Variants in SLK observed in about 807,000 individuals in gnomAD.
The protein encoded by SLK is STE20 like kinase.
Under a neutral mutation model 147.7 loss-of-function variants are expected in SLK, and 67 were observed. The ratio of observed to expected loss-of-function variants is 0.45; its 90% CI spans 0.37 to 0.56. The LOEUF (loss-of-function observed/expected upper bound fraction) is 0.56. Among genes scored for constraint, SLK ranks in the 20% least tolerant of loss-of-function variants. SLK has a pLI of 0.00. For synonymous variants in SLK, 441 were observed against 475.0 expected (o/e 0.93, Z 0.93); for missense variants, 1,136 against 1,438.8 (o/e 0.79, Z 3.41).
intron 1 of SLK, among the ~76,000 whole-genome samples, chr10:103,977,653 A>AT (rs1293130261): frequency 4.6e-5 from 7 of 151,930 alleles, no homozygotes; most frequent in Non-Finnish European, 8.8e-5. Context: ...AAATTTTAAT[A>AT]TTTTTTCATA....
chr10:104,008,513 C>A (rs1965595), intron 12 of SLK, among the ~76,000 whole-genome samples, 157 bp downstream of exon 12: 148,673 of 152,284 alleles, frequency 0.98, 72,667 homozygotes, highest in Middle Eastern at 1. Context: ...ATAGAGTTGT[C>A]ATAAGGTCAA....
intron 3 of SLK, 116 bp from the exon 4 acceptor site, chr10:103,992,868 A>G: frequency 1.4e-6 from 1 of 696,650 alleles, no homozygotes; most frequent in Middle Eastern, 4.3e-4. Context: ...TTCTTTTAAA[A>G]TAAATTCCCT....
chr10:104,010,870 C>T lies in SLK; in HGVS notation c.2839C>T (p.Arg947Cys), dbSNP rs373815490. ...PKELRKELMKRRKEELAQSQH... is the reference protein window; with the variant it reads ...PKELRKELMKCRKEELAQSQH... The stretch of plus-strand genomic sequence containing the variant: ...AGAGCTGAGAAAAGAGCTCATGAAA[C>T]GCAGGAAAGAGGAGCTTGCACAAAG... The change falls in exon 13 of 19, where the codon CGC becomes TGC. Residue 947 changes from arginine (R) to cysteine (C), a missense_variant. This residue lies in a region of SLK where 327 missense variants were observed against 457.5 expected (regional missense o/e 0.71). Coordinates refer to ENST00000369755, the MANE Select transcript of SLK (RefSeq NM_014720.4). 3.1e-5 allele frequency: 49 copies of T among 1,598,418 alleles called. No homozygotes were observed. The highest frequency in any genetic ancestry group is 1.7e-4 in the Middle Eastern group (1 of 5,992).
At position 104,018,899 on chromosome 10, in the gene SLK, C is replaced by T. The variant is rs1439742612; in HGVS notation, c.3123C>T (p.Arg1041=). 6.3e-7 allele frequency: 1 copy of T among 1,585,482 alleles called. No individual in the cohort carries two copies. Among genetic ancestry groups the T allele is most frequent in the South Asian group, 1.2e-5 (1 of 85,340 alleles). The change falls in exon 15 of 19, where the codon CGC becomes CGT. Residue 1041 remains arginine (R), a synonymous_variant. Transcript: ENST00000369755. ...TGCAAAGACATCAGCTACTTAAGCGCCACGAGAAGGTTAATGAAAGGAAAA... is the reference window on the plus strand; with the variant it reads ...TGCAAAGACATCAGCTACTTAAGCGTCACGAGAAGGTTAATGAAAGGAAAA... ...YFMQRHQLLK[R]HEKETEQMQR...
chr10:104,010,009 A>G (rs1318136843), intron 12 of SLK, among the ~76,000 whole-genome samples: 1 of 152,156 alleles, frequency 6.6e-6, no homozygotes, highest in Non-Finnish European at 1.5e-5. Flanking sequence ...TGGATTACAG[A>G]TCTATTGTTA....
intron 16 of SLK, 53 bp downstream of exon 16, chr10:104,019,975 C>T: frequency 7.3e-7 from 1 of 1,372,912 alleles, no homozygotes; most frequent in Non-Finnish European, 1.0e-6. Context: ...TTTGAATGAC[C>T]ATTAGAAGTT....
At chr10:104,013,798 A>G (rs1184530125) in intron 13 of SLK, among the ~76,000 whole-genome samples, 1 of 152,196 alleles carries the variant, frequency 6.6e-6, no homozygotes, top group Non-Finnish European at 1.5e-5. Context: ...GCCAAAATCT[A>G]GATGATTGAT....
At chr10:103,974,533 T>C (rs1286063314) in intron 1 of SLK, 1 of 105,654 alleles carries the variant, frequency 9.5e-6, no homozygotes, top group Non-Finnish European at 1.8e-5. Flanking sequence ...GAGAATGGCG[T>C]GAACCCGGGA....
In SLK at chr10:103,998,104, T is replaced by C. The variant is rs182599440; in HGVS notation, c.515-795T>C. Among the ~76,000 whole-genome samples the C allele has an allele frequency of 1.9e-4, 29 of 152,276 alleles. 1 individual carries two copies. In the East Asian group the frequency reaches 5.2e-3, roughly 27 times the overall value. Reference sequence around the variant, plus strand: ...ATAGATAAAAGTAATTCAGGCAGAATTGCATGACCTTTAAGAGTTCTACAA... The same window carrying C: ...ATAGATAAAAGTAATTCAGGCAGAACTGCATGACCTTTAAGAGTTCTACAA... On this transcript the variant is annotated intron_variant, in intron 4 of 18. Transcript: ENST00000369755.
rs1217805020 is a variant in SLK, at chr10:104,003,198, A to G, written c.2020A>G (p.Lys674Glu). ...AGGAAGTGAAGTTCAGGATGCTTCT[A>G]AAGTCACTACTCAGATAGATAAAGA... ...ALGSEVQDAS[K>E]VTTQIDKEKK... The change falls in exon 9 of 19, where the codon AAA becomes GAA. Residue 674 changes from lysine (K) to glutamate (E), a missense_variant. Lys to Glu is a moderately conservative substitution (Grantham distance 56). This residue lies in a region of SLK where 516 missense variants were observed against 531.3 expected (regional missense o/e 0.97). Coordinates refer to ENST00000369755, the MANE Select transcript of SLK (RefSeq NM_014720.4). 1.9e-6 allele frequency: 3 copies of G among 1,613,974 alleles called. No homozygotes were observed. The highest frequency in any genetic ancestry group is 2.5e-6 in the Non-Finnish European group (3 of 1,179,938).
intron 7 of SLK, among the ~76,000 whole-genome samples, chr10:104,000,920 A>G (rs1010091293): frequency 7.2e-5 from 11 of 151,952 alleles, no homozygotes; most frequent in Admixed American, 7.2e-4. Flanking sequence ...TCAGCCGGGC[A>G]TGGTGGCACA....
chr10:104,008,389 G>T, intron 12 of SLK, 33 bp downstream of exon 12: 1 of 1,484,730 alleles, frequency 6.7e-7, no homozygotes, highest in South Asian at 1.2e-5. Context: ...AATTACTAAA[G>T]CTTTTTTTTT....
intron 4 of SLK, among the ~76,000 whole-genome samples, chr10:103,998,038 A>G (rs550149316): frequency 6.6e-6 from 1 of 152,294 alleles, no homozygotes; most frequent in East Asian, 1.9e-4. Flanking sequence ...CATTTCTGCA[A>G]CACAGATATA....
rs1844278731 is a variant in SLK at position 104,003,217 on chromosome 10, A to T, written c.2039A>T (p.Asp680Val). 4 of 1,611,794 alleles carry T rather than the reference A, an allele frequency of 2.5e-6. No individual in the cohort carries two copies. The highest frequency in any genetic ancestry group is 1.7e-5 in the Admixed American group (1 of 59,336). Residue 680 changes from aspartate (D) to valine (V), a missense_variant, in exon 9 of 19, where the codon GAT becomes GTT. This residue lies in a region of SLK where 516 missense variants were observed against 531.3 expected (regional missense o/e 0.97). Transcript: ENST00000369755. ...GCTTCTAAAGTCACTACTCAGATAG[A>T]TAAAGAGAAAAAAGAAATTCCAGTG... ...QDASKVTTQI[D>V]KEKKEIPVSI...
At chr10:103,988,438 T>C (rs1844047109) in intron 1 of SLK, among the ~76,000 whole-genome samples, 1 of 150,954 alleles carries the variant, frequency 6.6e-6, no homozygotes. Flanking sequence ...TATATCCTAC[T>C]GCCCAAGGTA....
chr10:103,991,610 T>C lies in SLK; in HGVS notation c.315+771T>C, dbSNP rs192475862. On this transcript the variant is annotated intron_variant, in intron 2 of 18. Transcript: ENST00000369755. ...ACTTGGATAAGTCAGTTAACTTTTA[T>C]GAGTCTGTTTACTCATCTGTAGGAT... Among the ~76,000 whole-genome samples the C allele has an allele frequency of 4.1e-3, 631 of 152,168 alleles. 14 individuals are homozygous for C. The highest frequency in any genetic ancestry group is 0.037 in the Admixed American group (566 of 15,290).
At chr10:103,989,504 T>G (rs936528462) in intron 1 of SLK, among the ~76,000 whole-genome samples, 5 of 144,424 alleles carry the variant, frequency 3.5e-5, no homozygotes, top group African/African-American at 5.3e-5. Flanking sequence ...AGTCTTGCTC[T>G]GTCACCCAGA....
intron 8 of SLK, among the ~76,000 whole-genome samples, chr10:104,001,775 T>G (rs2134496017): frequency 6.6e-6 from 1 of 152,322 alleles, no homozygotes; most frequent in African/African-American, 2.4e-5. Flanking sequence ...TCACCCAGGT[T>G]GGAGTGCAGT....
intron 13 of SLK, among the ~76,000 whole-genome samples, chr10:104,012,207 A>AT (rs1263602245): frequency 1.3e-5 from 2 of 151,994 alleles, no homozygotes; most frequent in East Asian, 1.9e-4. Flanking sequence ...CATTAAAAAA[A>AT]TTTTTTTTTA....
Sources: allele counts gnomAD v4.1 joint callset (sites outside exome capture counted in the v4.1 genomes callset), GRCh38; gene constraint gnomAD v4.1.1; regional missense constraint gnomAD v4.1.1; transcripts MANE v1.5; gene names NCBI Gene and HGNC (gene_info 2026-07-23, HGNC 2026-07-21).